Variants in IDE observed in about 807,000 individuals in gnomAD.
IDE encodes the protein insulin-degrading enzyme.
A neutral mutation model predicts 133.2 loss-of-function variants in IDE; 58 were observed. The observed-to-expected ratio is 0.44, with a 90% CI of 0.35 to 0.54. The LOEUF (loss-of-function observed/expected upper bound fraction) is 0.54. Ranked by LOEUF, IDE falls within the 20% of genes least tolerant of loss-of-function variation. The pLI is 0.00. For synonymous variants in IDE, 396 were observed against 421.3 expected (o/e 0.94, Z 0.73); for missense variants, 981 against 1,234.0 (o/e 0.79, Z 3.07).
intron 22 of IDE, among the ~76,000 whole-genome samples, chr10:92,460,195 T>C (rs1845295770): frequency 6.6e-6 from 1 of 152,182 alleles, no homozygotes; most frequent in Non-Finnish European, 1.5e-5. Flanking sequence ...CCCTTTCTTT[T>C]TGATAGACTT....
chr10:92,526,234 A>G (rs1849619129), intron 4 of IDE, among the ~76,000 whole-genome samples: 1 of 152,068 alleles, frequency 6.6e-6, no homozygotes, highest in African/African-American at 2.4e-5. Flanking sequence ...GAGGGCATAC[A>G]CAAAAAGGAA....
intron 22 of IDE, among the ~76,000 whole-genome samples, chr10:92,458,662 T>C (rs1845178683): frequency 6.6e-6 from 1 of 151,084 alleles, no homozygotes; most frequent in South Asian, 2.1e-4. Context: ...CCACCACGCC[T>C]GGCTAATTTT....
chr10:92,573,807 G>A (rs1466528443), intron 1 of IDE, 115 bp downstream of exon 1: 1 of 723,852 alleles, frequency 1.4e-6, no homozygotes, highest in African/African-American at 1.9e-5. Flanking sequence ...GGCGGGACGG[G>A]CGGCGTGAGG....
chr10:92,483,579 G>T (rs1208765656), intron 13 of IDE, among the ~76,000 whole-genome samples: 4 of 152,144 alleles, frequency 2.6e-5, no homozygotes, highest in Admixed American at 2.0e-4. Context: ...GGGAGATGGG[G>T]GTACAGTGAA....
At chr10:92,458,593 C>A (rs566425172) in intron 22 of IDE, among the ~76,000 whole-genome samples, 2 of 143,824 alleles carry the variant, frequency 1.4e-5, no homozygotes, top group African/African-American at 5.3e-5. Context: ...CCTCCACCTT[C>A]TGGGTTCAAG....
intron 1 of IDE, among the ~76,000 whole-genome samples, chr10:92,566,099 T>C (rs565352417): frequency 1.3e-5 from 2 of 150,900 alleles, no homozygotes; most frequent in South Asian, 2.1e-4. Context: ...CTCACGCCTA[T>C]AATCCCAGTA....
rs188155686 is a variant in IDE at position 92,464,960 on chromosome 10, G to A, written c.2488+716C>T. On this transcript the variant is annotated intron_variant, in intron 20 of 24. Transcript: ENST00000265986. The stretch of plus-strand genomic sequence containing the variant: ...GCTGGGATTATAGGCGTGAGCCACC[G>A]TGCCCGGCCAATAGTTTGAGCTCTT... Among the ~76,000 whole-genome samples the A allele has an allele frequency of 2.2e-3, 331 of 152,298 alleles. 1 individual carries two copies. The highest frequency in any genetic ancestry group is 7.5e-3 in the African/African-American group (312 of 41,562).
chr10:92,457,650 C>T (rs1056413953), intron 22 of IDE, among the ~76,000 whole-genome samples: 3 of 152,160 alleles, frequency 2.0e-5, no homozygotes, highest in African/African-American at 7.2e-5. Flanking sequence ...CCTCTTATTC[C>T]TTAGCCACAA....
chr10:92,457,955 A>T (rs1845119264), intron 22 of IDE, among the ~76,000 whole-genome samples: 1 of 152,140 alleles, frequency 6.6e-6, no homozygotes, highest in Non-Finnish European at 1.5e-5. Context: ...GTAGTACCTC[A>T]TCTAAGAACT....
intron 11 of IDE, among the ~76,000 whole-genome samples, chr10:92,498,688 C>T (rs546570787): frequency 2.6e-5 from 4 of 152,230 alleles, no homozygotes; most frequent in Non-Finnish European, 2.9e-5. Context: ...ACCCGGGAGG[C>T]GGAGGTGCAG....
chr10:92,474,170 C>T (rs973788953), intron 17 of IDE, among the ~76,000 whole-genome samples: 8 of 152,100 alleles, frequency 5.3e-5, no homozygotes, highest in South Asian at 2.1e-4. Context: ...CTCAAGCAAT[C>T]CTCTCAACCA....
intron 22 of IDE, among the ~76,000 whole-genome samples, chr10:92,457,436 C>T (rs1476263265): frequency 6.6e-6 from 1 of 152,100 alleles, no homozygotes; most frequent in Non-Finnish European, 1.5e-5. Flanking sequence ...TCACACAGTT[C>T]ATAGGTGATG....
At chr10:92,468,429 C>T (rs1404411258) in intron 19 of IDE, among the ~76,000 whole-genome samples, 1 of 152,090 alleles carries the variant, frequency 6.6e-6, no homozygotes, top group Admixed American at 6.6e-5. Context: ...CAATAAAAGT[C>T]TTTGTTAATC....
chr10:92,565,409 CAAA>C (rs5787003), intron 1 of IDE, among the ~76,000 whole-genome samples: 15 of 114,864 alleles, frequency 1.3e-4, no homozygotes, highest in Non-Finnish European at 1.2e-4. Context: ...GACTCCATCT[CAAA>C]AAAAAAAAAA....
chr10:92,471,404 T>C (rs750076762), intron 17 of IDE, among the ~76,000 whole-genome samples: 1 of 152,234 alleles, frequency 6.6e-6, no homozygotes, highest in African/African-American at 2.4e-5. Context: ...AAGTAGCTAC[T>C]ATTATCCCCA....
intron 21 of IDE, among the ~76,000 whole-genome samples, chr10:92,462,423 C>T (rs1221612929): frequency 6.6e-6 from 1 of 151,478 alleles, no homozygotes; most frequent in Non-Finnish European, 1.5e-5. Context: ...GAGTTCGAGA[C>T]CACCCTGACC....
intron 15 of IDE, among the ~76,000 whole-genome samples, chr10:92,477,691 T>C (rs931959835): frequency 6.6e-6 from 1 of 152,206 alleles, no homozygotes; most frequent in Non-Finnish European, 1.5e-5. Flanking sequence ...GGAACTAGAC[T>C]GACAATTAGC....
intron 22 of IDE, among the ~76,000 whole-genome samples, chr10:92,458,780 G>A (rs1446355429): frequency 6.6e-6 from 1 of 152,050 alleles, no homozygotes; most frequent in Non-Finnish European, 1.5e-5. Context: ...GATTACAGGT[G>A]TGAACCACCA....
At chr10:92,538,348 G>A (rs1276436132) in intron 1 of IDE, among the ~76,000 whole-genome samples, 4 of 152,150 alleles carry the variant, frequency 2.6e-5, no homozygotes, top group Non-Finnish European at 5.9e-5. Context: ...CAGAACATAG[G>A]GAACAACTCC....
Sources: gnomAD v4.1 joint callset for allele counts (sites outside exome capture counted in the v4.1 genomes callset) on GRCh38, gnomAD v4.1.1 for gene constraint, MANE v1.5 for transcripts, NCBI Gene and HGNC (gene_info 2026-07-23, HGNC 2026-07-21) for gene names.